Variants in SORCS1 observed in about 807,000 individuals in gnomAD.
SORCS1 encodes VPS10 domain-containing receptor SorCS1.
Under a neutral mutation model 146.1 loss-of-function variants are expected in SORCS1, and 60 were observed. The ratio of observed to expected loss-of-function variants is 0.41; its 90% CI spans 0.33 to 0.51. SORCS1 has a LOEUF of 0.51. SORCS1 is among the 20% of genes least tolerant of loss of function. The probability of loss-of-function intolerance (pLI) is 0.21; values close to 1 mark genes in which losing one functional copy is unlikely to be tolerated. For synonymous variants in SORCS1, 637 were observed against 584.0 expected, an observed-to-expected ratio of 1.09 and a Z score of -1.31; for missense variants, 1,352 against 1,487.6, an observed-to-expected ratio of 0.91 and a Z score of 1.50.
chr10:107,074,038 C>T (rs1172276740), intron 1 of SORCS1, among the ~76,000 whole-genome samples: 1 of 152,120 alleles, frequency 6.6e-6, no homozygotes, highest in East Asian at 1.9e-4. Flanking sequence ...CCCACATTGA[C>T]ACATCGTCAT....
chr10:107,133,861 CTG>C (rs1967055014), intron 1 of SORCS1, among the ~76,000 whole-genome samples: 1 of 152,228 alleles, frequency 6.6e-6, no homozygotes, highest in Non-Finnish European at 1.5e-5. Context: ...AGATTTTCTT[CTG>C]TCTTTTCTGT....
intron 17 of SORCS1, among the ~76,000 whole-genome samples, chr10:106,663,165 T>C (rs1207606930): frequency 6.6e-6 from 1 of 152,150 alleles, no homozygotes; most frequent in African/African-American, 2.4e-5. Context: ...ACTGATAATA[T>C]TATAATAATA....
rs770066150 is a variant in SORCS1 at position 106,679,220 on chromosome 10, T to C, written c.1740+36A>G. 1.2e-5 allele frequency: 18 copies of C among 1,565,104 alleles called. No individual in the cohort carries two copies. In the South Asian group the frequency reaches 2.0e-4, roughly 17 times the overall value. The stretch of plus-strand genomic sequence containing the variant: ...CAAGCTGGGCAATTTTTATGTTACT[T>C]AAACTTCAGCGATTTGACCCAGGGT... On this transcript the variant is annotated intron_variant, in intron 12 of 25. Coordinates refer to ENST00000263054, the MANE Select transcript of SORCS1 (RefSeq NM_052918.5).
intron 10 of SORCS1, among the ~76,000 whole-genome samples, chr10:106,685,653 C>T (rs183474440): frequency 1.3e-5 from 2 of 152,196 alleles, no homozygotes; most frequent in Admixed American, 1.3e-4. Context: ...CAAAGAAACA[C>T]CCCCTCCTCC....
At chr10:106,955,943 G>C (rs930573275) in intron 2 of SORCS1, among the ~76,000 whole-genome samples, 1 of 151,288 alleles carries the variant, frequency 6.6e-6, no homozygotes, top group Non-Finnish European at 1.5e-5. Context: ...GCCTGACCAA[G>C]ATGGAGAAAC....
intron 2 of SORCS1, among the ~76,000 whole-genome samples, chr10:106,909,701 T>A (rs910231531): frequency 6.6e-6 from 1 of 152,240 alleles, no homozygotes; most frequent in African/African-American, 2.4e-5. Context: ...ATTAATTTTT[T>A]AAATTATTTT....
At chr10:107,180,701 C>G in the SORCS1 span, among the ~76,000 whole-genome samples, 2 of 152,072 alleles carry the variant, frequency 1.3e-5, no homozygotes, top group African/African-American at 4.8e-5. Flanking sequence ...TTTCTAGGTT[C>G]GTGAGATAAG....
intron 1 of SORCS1, among the ~76,000 whole-genome samples, chr10:107,143,975 GCCAGTTTTTCTCT>G (rs1201527110): frequency 1.3e-5 from 2 of 151,918 alleles, no homozygotes; most frequent in Admixed American, 1.3e-4. Context: ...TTTGTAAGAT[GCCAGTTTTTCTCT>G]CCAGCCTCAT....
chr10:106,691,698 A>G (rs1436734429), intron 9 of SORCS1, among the ~76,000 whole-genome samples: 1 of 152,034 alleles, frequency 6.6e-6, no homozygotes, highest in Non-Finnish European at 1.5e-5. Context: ...CTACCTATTC[A>G]TCCTTAAAGA....
rs549400255 is a variant in SORCS1, at chr10:107,055,374, T to G, written c.559-98794A>C. 7.8e-3 allele frequency among the ~76,000 whole-genome samples: 1,192 copies of G among 152,350 alleles called. 14 individuals are homozygous for G. Among genetic ancestry groups the G allele is most frequent in the African/African-American group, 0.027 (1,116 of 41,580 alleles). ...TAAAGGAATAGATAGTGAGTTTAAG[T>G]TATACAGGCAGGACTTAATACATGT... On this transcript the variant is annotated intron_variant, in intron 1 of 25. Transcript: ENST00000263054.
At chr10:106,743,369 C>T (rs1393804602) in intron 5 of SORCS1, among the ~76,000 whole-genome samples, 1 of 152,170 alleles carries the variant, frequency 6.6e-6, no homozygotes, top group Non-Finnish European at 1.5e-5. Flanking sequence ...AGTCCCACCA[C>T]ACCACCATCC....
intron 2 of SORCS1, among the ~76,000 whole-genome samples, chr10:106,943,703 G>A (rs1225146521): frequency 2.0e-5 from 3 of 151,858 alleles, no homozygotes; most frequent in South Asian, 4.2e-4. Flanking sequence ...CCAGCTACTC[G>A]GGAGGCTGAG....
chr10:106,692,874 T>C (rs1262854424), intron 9 of SORCS1, among the ~76,000 whole-genome samples: 6 of 152,008 alleles, frequency 3.9e-5, no homozygotes, highest in Non-Finnish European at 7.4e-5. Flanking sequence ...ATCTCAAGTA[T>C]ACTAATATGT....
At chr10:106,849,081 G>A (rs1387144007) in intron 2 of SORCS1, among the ~76,000 whole-genome samples, 68 of 145,772 alleles carry the variant, frequency 4.7e-4, no homozygotes, top group Non-Finnish European at 8.9e-4. Flanking sequence ...TGCTCTTCTC[G>A]AGGAGTATCT....
chr10:107,108,680 A>G (rs1965477130), intron 1 of SORCS1, among the ~76,000 whole-genome samples: 1 of 152,080 alleles, frequency 6.6e-6, no homozygotes, highest in Non-Finnish European at 1.5e-5. Context: ...TCCTTCTCAT[A>G]TTGCAAAATA....
chr10:107,132,255 C>A (rs1966912385), intron 1 of SORCS1, among the ~76,000 whole-genome samples: 1 of 151,240 alleles, frequency 6.6e-6, no homozygotes, highest in Non-Finnish European at 1.5e-5. Flanking sequence ...ATTCCTATAC[C>A]CAAGCTTTAG....
intron 1 of SORCS1, among the ~76,000 whole-genome samples, chr10:107,156,852 A>G (rs1384799013): frequency 2.6e-5 from 4 of 152,212 alleles, no homozygotes; most frequent in Non-Finnish European, 4.4e-5. Flanking sequence ...CGCTATTGCA[A>G]TAAACCCAGT....
chr10:106,995,030 C>T (rs368202971), intron 1 of SORCS1, among the ~76,000 whole-genome samples: 5 of 151,888 alleles, frequency 3.3e-5, no homozygotes, highest in Admixed American at 6.6e-5. Flanking sequence ...TAAGAACAGC[C>T]GGCCAGGCAT....
intron 1 of SORCS1, among the ~76,000 whole-genome samples, chr10:107,017,820 TTTTG>T (rs1024515429): frequency 6.6e-6 from 1 of 152,002 alleles, no homozygotes; most frequent in Admixed American, 6.5e-5. Context: ...CCGGCTATTT[TTTTG>T]TTTGTTTTTT....
Sources: allele counts gnomAD v4.1 joint callset (sites outside exome capture counted in the v4.1 genomes callset), GRCh38; gene constraint gnomAD v4.1.1; transcripts MANE v1.5; gene names NCBI Gene and HGNC (gene_info 2026-07-23, HGNC 2026-07-21).